Variants in ERG observed in about 807,000 individuals in gnomAD.
ERG encodes the protein transcriptional regulator ERG.
ERG carries 9 observed loss-of-function variants against 55.3 expected under a neutral mutation model. The observed-to-expected ratio is 0.16, with a 90% CI of 0.10 to 0.28. The LOEUF is 0.28. ERG is among the 10% of genes least tolerant of loss of function. The pLI is 1.00. For synonymous variants in ERG, 223 were observed against 237.3 expected (o/e 0.94, Z 0.55); for missense variants, 434 against 631.6 (o/e 0.69, Z 3.35).
At chr21:38,409,809 T>C (rs1403807083) in intron 3 of ERG, among the ~76,000 whole-genome samples, 2 of 152,236 alleles carry the variant, frequency 1.3e-5, no homozygotes, top group African/African-American at 2.4e-5. Flanking sequence ...AACAAGGTCC[T>C]TGAGTCTTGC....
intron 1 of ERG, among the ~76,000 whole-genome samples, chr21:38,620,180 A>C (rs928808098): frequency 6.6e-6 from 1 of 152,258 alleles, no homozygotes; most frequent in Non-Finnish European, 1.5e-5. Flanking sequence ...TAGTGCCTTC[A>C]GCAAGTGTCT....
chr21:38,550,718 C>T (rs1257559956), intron 2 of ERG, among the ~76,000 whole-genome samples: 3 of 152,166 alleles, frequency 2.0e-5, no homozygotes, highest in Non-Finnish European at 2.9e-5. Context: ...CTAAGACAGC[C>T]TATTATGTAT....
intron 6 of ERG, 88 bp downstream of exon 6, chr21:38,400,486 C>T (rs766391432): frequency 9.6e-6 from 10 of 1,045,530 alleles, no homozygotes; most frequent in Admixed American, 1.7e-5. Context: ...GATCAGCTCT[C>T]TTTGTATCAC....
intron 1 of ERG, among the ~76,000 whole-genome samples, chr21:38,465,892 A>C (rs1305242589): frequency 2.0e-5 from 3 of 152,062 alleles, no homozygotes; most frequent in Non-Finnish European, 4.4e-5. Context: ...TGAAATAAGG[A>C]GATGAGATGG....
chr21:38,484,374 C>T (rs762435243), intron 1 of ERG, among the ~76,000 whole-genome samples: 12 of 152,154 alleles, frequency 7.9e-5, no homozygotes, highest in Non-Finnish European at 1.6e-4. Context: ...TTCAAAATAG[C>T]TTGACTTTTT....
At position 38,487,576 on chromosome 21, in the gene ERG, C is replaced by G. The variant is rs117127966; in HGVS notation, c.18+10787G>C. On this transcript the variant is annotated intron_variant, in intron 1 of 9. Transcript: ENST00000288319. ...TGTCTGCTGTCTGGTCCTGTAGCAT[C>G]ACCCAAATGTGGTTCAGGCAGCACT... is the stretch of plus-strand genomic sequence containing the variant. Among the ~76,000 whole-genome samples the G allele has an allele frequency of 8.8e-3, 1,346 of 152,312 alleles. 9 individuals carry two copies. The highest frequency in any genetic ancestry group is 0.015 in the Non-Finnish European group (1,024 of 68,030).
At chr21:38,626,893 T>C (rs1356807236) in intron 1 of ERG, among the ~76,000 whole-genome samples, 1 of 152,048 alleles carries the variant, frequency 6.6e-6, no homozygotes, top group Non-Finnish European at 1.5e-5. Flanking sequence ...GCCAAAAAAT[T>C]TTGTATTCAT....
In ERG at chr21:38,498,148, C is replaced by T. The variant is rs184113288; in HGVS notation, c.18+215G>A. On this transcript the variant is annotated intron_variant, in intron 1 of 9. Transcript: ENST00000288319. This position sits in a 1 kb window ranked among gnomAD's most constrained non-coding sequence, Gnocchi z 4.6. ...AGCACTCAACAGTGAATTTAGAAACCCCAATTTTTTTCTGAGTTTGAAGTT... is the reference window on the plus strand; with the variant it reads ...AGCACTCAACAGTGAATTTAGAAACTCCAATTTTTTTCTGAGTTTGAAGTT... Among the ~76,000 whole-genome samples the T allele has an allele frequency of 4.6e-5, 7 of 152,226 alleles. No individual in the cohort carries two copies. The highest frequency in any genetic ancestry group is 1.7e-4 in the African/African-American group (7 of 41,536).
intron 1 of ERG, among the ~76,000 whole-genome samples, chr21:38,626,918 T>C (rs2060327995): frequency 6.6e-6 from 1 of 152,200 alleles, no homozygotes; most frequent in African/African-American, 2.4e-5. Context: ...CTTGAAAGTA[T>C]AATCCCTCAT....
chr21:38,375,580 C>T (rs1203699037), downstream of ERG, among the ~76,000 whole-genome samples: 1 of 152,032 alleles, frequency 6.6e-6, no homozygotes, highest in African/African-American at 2.4e-5. Flanking sequence ...TCCCACAGAG[C>T]CCGACACACC....
intron 1 of ERG, among the ~76,000 whole-genome samples, chr21:38,639,033 C>T (rs2060407567): frequency 2.0e-5 from 3 of 152,118 alleles, no homozygotes. Flanking sequence ...TCTAACAACC[C>T]CACCCTCATT....
chr21:38,374,596 C>G, the ERG span, among the ~76,000 whole-genome samples: 20 of 152,294 alleles, frequency 1.3e-4, no homozygotes, highest in Non-Finnish European at 1.8e-4. Context: ...CGAAGTTATG[C>G]AAACTCTCAG....
intron 2 of ERG, among the ~76,000 whole-genome samples, chr21:38,549,786 T>C (rs2059812193): frequency 6.6e-6 from 1 of 152,164 alleles, no homozygotes; most frequent in Non-Finnish European, 1.5e-5. Flanking sequence ...AAAAATTAAA[T>C]ACTATTGCTC....
At chr21:38,492,785 G>A (rs2059347389) in intron 1 of ERG, among the ~76,000 whole-genome samples, 1 of 152,068 alleles carries the variant, frequency 6.6e-6, no homozygotes, top group Non-Finnish European at 1.5e-5. Flanking sequence ...TATGTGGAAA[G>A]TAAGCTAGAC....
At position 38,380,991 on chromosome 21, in the gene ERG, G is replaced by A. The variant is rs1987406181; in HGVS notation, c.*2412C>T. On this transcript the variant is annotated 3_prime_UTR_variant, in exon 10 of 10. Transcript: ENST00000288319. Reference sequence around the variant, plus strand: ...GGTCAGCCTAACTGCCAGCTTTCATGATTGTATTTATTTATTTTCCCTAAG... The same window carrying A: ...GGTCAGCCTAACTGCCAGCTTTCATAATTGTATTTATTTATTTTCCCTAAG... 9.4e-7 allele frequency: 1 copy of A among 1,064,566 alleles called. No individual in the cohort carries two copies. The highest frequency in any genetic ancestry group is 4.6e-5 in the South Asian group (1 of 21,968). 65.9% of individuals were successfully genotyped at this position (1,064,566 alleles called of 1,614,324 possible). A position where few individuals can be genotyped will look rare whatever the true frequency, so the allele number is the denominator to read the frequency against.
chr21:38,393,595 C>T (rs991925557), intron 6 of ERG, among the ~76,000 whole-genome samples: 1 of 152,156 alleles, frequency 6.6e-6, no homozygotes, highest in Non-Finnish European at 1.5e-5. Flanking sequence ...TCTCTTTAAA[C>T]AAATATTTTA....
chr21:38,396,798 A>G (rs1988242961), intron 6 of ERG, among the ~76,000 whole-genome samples: 1 of 152,184 alleles, frequency 6.6e-6, no homozygotes. Context: ...ATGGCTCCAA[A>G]AGAAGTGGAT....
chr21:38,623,847 A>C (rs1028359537), intron 1 of ERG, among the ~76,000 whole-genome samples: 11 of 152,236 alleles, frequency 7.2e-5, no homozygotes, highest in African/African-American at 2.4e-4. Flanking sequence ...GCAATACCTA[A>C]CAGCCATTAG....
At chr21:38,517,299 C>T (rs138398050) in intron 2 of ERG, among the ~76,000 whole-genome samples, 115 of 151,874 alleles carry the variant, frequency 7.6e-4, no homozygotes, top group African/African-American at 2.7e-3. Context: ...GGGCAAAGAA[C>T]GTCAATAGAC....
Sources: allele counts gnomAD v4.1 joint callset (sites outside exome capture counted in the v4.1 genomes callset), GRCh38; gene constraint gnomAD v4.1.1; non-coding constraint Gnocchi (gnomAD v3.1); transcripts MANE v1.5; gene names NCBI Gene and HGNC (gene_info 2026-07-23, HGNC 2026-07-21).